The following GALNT10 variants were observed in gnomAD, a reference collection of about 807,000 sequenced individuals.
GALNT10 encodes GalNAc transferase 10.
GALNT10 carries 41 observed loss-of-function variants against 75.0 expected under a neutral mutation model. That is an observed-to-expected ratio of 0.55 (90% CI 0.43 to 0.71). GALNT10 has a LOEUF of 0.71. Among genes scored for constraint, GALNT10 ranks in the 30% least tolerant of loss-of-function variants. The pLI is 0.00. For missense variants in GALNT10, 727 were observed against 818.5 expected, an observed-to-expected ratio of 0.89 and a Z score of 1.36; for synonymous variants, 302 against 313.0, an observed-to-expected ratio of 0.96 and a Z score of 0.37.
At chr5:154,403,091 T>G (rs1165364624) in intron 7 of GALNT10, among the ~76,000 whole-genome samples, 1 of 152,244 alleles carries the variant, frequency 6.6e-6, no homozygotes, top group Non-Finnish European at 1.5e-5. Flanking sequence ...CTTCCAGTCC[T>G]GCCTCCTCTA....
At position 154,418,392 on chromosome 5, in the gene GALNT10, G is replaced by A. The variant is rs1366846607; in HGVS notation, c.*1420G>A. 3 of 152,312 alleles carry A rather than the reference G, an allele frequency of 2.0e-5. No homozygotes were observed. Among genetic ancestry groups the A allele is most frequent in the Middle Eastern group, 6.8e-3 (2 of 294 alleles). The allele number at this position is 152,312 out of a possible 1,614,324, so 9.4% of individuals were successfully genotyped here. On this transcript the variant is annotated 3_prime_UTR_variant, in exon 12 of 12. Transcript: ENST00000297107. ...TTACCTTTTGCTTTGTTAATTACAT[G>A]TCAGACTCCTAGAGGGCCTCCAGAC...
At chr5:154,255,831 C>G (rs1753599560) in intron 1 of GALNT10, among the ~76,000 whole-genome samples, 2 of 151,688 alleles carry the variant, frequency 1.3e-5, no homozygotes, top group South Asian at 4.2e-4. Context: ...CAGGAAGCCT[C>G]CCTTCCCTCC....
chr5:154,311,682 G>C (rs1754521156), intron 3 of GALNT10, among the ~76,000 whole-genome samples: 1 of 151,388 alleles, frequency 6.6e-6, no homozygotes. Context: ...TGCAATCTCA[G>C]CTCACCGCAA....
At chr5:154,256,625 T>C (rs1753618324) in intron 1 of GALNT10, among the ~76,000 whole-genome samples, 1 of 152,076 alleles carries the variant, frequency 6.6e-6, no homozygotes, top group Non-Finnish European at 1.5e-5. Context: ...AGTAGGCAAT[T>C]CTGTAAAAGA....
rs1327489320 is a variant in GALNT10, at chr5:154,380,499, T to C, written c.806T>C (p.Ile269Thr). ...ATTGTGTGCCCGATGATTGATGTAA[T>C]TGACCATGACGACTTTCGGTACGAG... ...KTIVCPMIDV[I>T]DHDDFRYETQ... The change falls in exon 6 of 12, where the codon ATT becomes ACT. Residue 269 changes from isoleucine (I) to threonine (T), a missense_variant. Physicochemically the swap from Ile to Thr is moderately conservative, Grantham distance 89. Coordinates refer to ENST00000297107, the MANE Select transcript of GALNT10 (RefSeq NM_198321.4). 3.7e-6 allele frequency: 6 copies of C among 1,614,004 alleles called. No homozygotes were observed. In the Admixed American group the frequency reaches 1.0e-4, roughly 27 times the overall value.
rs753573173 is a variant in GALNT10 at position 154,416,994 on chromosome 5, GC to G, written c.*28del. On this transcript the variant is annotated 3_prime_UTR_variant, in exon 12 of 12. Coordinates refer to ENST00000297107, the MANE Select transcript of GALNT10 (RefSeq NM_198321.4). This position sits in a 1 kb window ranked among gnomAD's most constrained non-coding sequence, Gnocchi z 4.5. ...CTGAGCCCTCATGTCCCCTTGGCAG[GC>G]CCCCCAGGGTCTGGCACTCACTGCA... 9 of 1,609,692 alleles carry G rather than the reference GC, an allele frequency of 5.6e-6. No individual in the cohort carries two copies. In the African/African-American group the frequency reaches 9.4e-5, roughly 17 times the overall value.
chr5:154,411,552 A>G (rs1390312332), intron 9 of GALNT10, among the ~76,000 whole-genome samples: 1 of 152,194 alleles, frequency 6.6e-6, no homozygotes, highest in Non-Finnish European at 1.5e-5. Context: ...TACCAGAGGA[A>G]GGGGAGAGGC....
At chr5:154,337,541 G>A (rs1314203963) in intron 4 of GALNT10, 24 of 749,984 alleles carry the variant, frequency 3.2e-5, no homozygotes, top group Admixed American at 6.9e-5. Flanking sequence ...ATGGTTTGGC[G>A]AAGTATTGGC....
intron 3 of GALNT10, among the ~76,000 whole-genome samples, chr5:154,322,281 T>G (rs1754687519): frequency 6.6e-6 from 1 of 152,158 alleles, no homozygotes; most frequent in Admixed American, 6.5e-5. Context: ...TGTTCCCAGC[T>G]GCTAAGAGCT....
intron 3 of GALNT10, among the ~76,000 whole-genome samples, chr5:154,307,991 GATAGAA>G (rs1165280245): frequency 1.4e-5 from 2 of 147,898 alleles, no homozygotes; most frequent in Non-Finnish European, 1.5e-5. Flanking sequence ...AAAGATACCA[GATAGAA>G]ATAGAGATCT....
chr5:154,233,466 G>C (rs887114968), intron 1 of GALNT10, among the ~76,000 whole-genome samples: 6 of 152,222 alleles, frequency 3.9e-5, no homozygotes, highest in African/African-American at 1.2e-4. Context: ...TCTCTGCAAG[G>C]AAAAGTGGGC....
chr5:154,233,051 G>A (rs561558230), intron 1 of GALNT10, among the ~76,000 whole-genome samples: 1 of 152,232 alleles, frequency 6.6e-6, no homozygotes, highest in South Asian at 2.1e-4. Context: ...CTGGGCCTCA[G>A]TTTCCTTATC....
chr5:154,205,933 G>A (rs1333645268), intron 1 of GALNT10, among the ~76,000 whole-genome samples: 1 of 152,188 alleles, frequency 6.6e-6, no homozygotes, highest in Non-Finnish European at 1.5e-5. Context: ...ATAAATTTCT[G>A]TTGTTCAAAG....
At chr5:154,238,933 TTC>T (rs1235388161) in intron 1 of GALNT10, among the ~76,000 whole-genome samples, 1 of 151,828 alleles carries the variant, frequency 6.6e-6, no homozygotes, top group African/African-American at 2.4e-5. Context: ...ATGGGGGAGG[TTC>T]TGTTATTTTC....
intron 1 of GALNT10, among the ~76,000 whole-genome samples, chr5:154,262,448 A>G (rs1472473824): frequency 6.6e-6 from 1 of 152,130 alleles, no homozygotes; most frequent in Non-Finnish European, 1.5e-5. Flanking sequence ...CTCCAGTGCT[A>G]CACCCCATTG....
At chr5:154,394,644 C>G (rs1294278007) in intron 7 of GALNT10, among the ~76,000 whole-genome samples, 2 of 152,172 alleles carry the variant, frequency 1.3e-5, no homozygotes, top group Admixed American at 1.3e-4. Context: ...TCAGGACCAG[C>G]CCTGAGAGGG....
At chr5:154,367,866 A>C (rs575486571) in intron 4 of GALNT10, among the ~76,000 whole-genome samples, 1 of 152,060 alleles carries the variant, frequency 6.6e-6, no homozygotes, top group Non-Finnish European at 1.5e-5. Context: ...TCAAAAAAAA[A>C]AAAAAAGAGA....
At chr5:154,308,863 G>A (rs1368089406) in intron 3 of GALNT10, among the ~76,000 whole-genome samples, 1 of 152,182 alleles carries the variant, frequency 6.6e-6, no homozygotes, top group Non-Finnish European at 1.5e-5. Context: ...AATATCTATT[G>A]AGTGTCTATT....
chr5:154,204,732 C>G (rs1288715107), intron 1 of GALNT10, among the ~76,000 whole-genome samples: 1 of 152,230 alleles, frequency 6.6e-6, no homozygotes, highest in Non-Finnish European at 1.5e-5. Flanking sequence ...TCAGAGAGGG[C>G]TTCCGTGAAC....
Sources: allele counts gnomAD v4.1 joint callset (sites outside exome capture counted in the v4.1 genomes callset), GRCh38; gene constraint gnomAD v4.1.1; non-coding constraint Gnocchi (gnomAD v3.1); transcripts MANE v1.5; gene names NCBI Gene and HGNC (gene_info 2026-07-23, HGNC 2026-07-21).